The following SLC24A2 variants were observed in gnomAD, a reference collection of about 807,000 sequenced individuals.
The protein encoded by SLC24A2 is solute carrier family 24 member 2, also known as sodium/potassium/calcium exchanger 2.
Under a neutral mutation model 62.0 loss-of-function variants are expected in SLC24A2, and 36 were observed. That is an observed-to-expected ratio of 0.58 (90% confidence interval 0.44 to 0.77). The LOEUF (loss-of-function observed/expected upper bound fraction) is 0.77. Among genes scored for constraint, SLC24A2 ranks in the 30% least tolerant of loss-of-function variants. The probability of loss-of-function intolerance (pLI) is 0.00; values close to 1 mark genes in which losing one functional copy is unlikely to be tolerated. For synonymous variants in SLC24A2, 358 were observed against 294.0 expected, an observed-to-expected ratio of 1.22 and a Z score of -2.23; for missense variants, 846 against 817.9, an observed-to-expected ratio of 1.03 and a Z score of -0.42.
chr9:20,137,966 A>G, the SLC24A2 span, among the ~76,000 whole-genome samples: 1 of 152,218 alleles, frequency 6.6e-6, no homozygotes, highest in Non-Finnish European at 1.5e-5. Context: ...ACGATCCAAG[A>G]AAGAGGGAAA....
At chr9:20,268,950 A>C in the SLC24A2 span, among the ~76,000 whole-genome samples, 1 of 152,222 alleles carries the variant, frequency 6.6e-6, no homozygotes, top group African/African-American at 2.4e-5. Context: ...ACAGCCAGCT[A>C]ACAAGAGTTG....
At chr9:20,081,638 TAATAA>T in the SLC24A2 span, among the ~76,000 whole-genome samples, 1 of 151,884 alleles carries the variant, frequency 6.6e-6, no homozygotes, top group Non-Finnish European at 1.5e-5. Flanking sequence ...ATAATAATAA[TAATAA>T]AAGAAATGGA....
chr9:20,069,179 A>G, the SLC24A2 span, among the ~76,000 whole-genome samples: 2 of 152,220 alleles, frequency 1.3e-5, no homozygotes, highest in African/African-American at 2.4e-5. Flanking sequence ...TTACATTAAA[A>G]TTATGTAAAT....
At chr9:20,272,362 C>T in the SLC24A2 span, among the ~76,000 whole-genome samples, 4 of 152,120 alleles carry the variant, frequency 2.6e-5, no homozygotes, top group African/African-American at 9.7e-5. Flanking sequence ...TCTCATAGTT[C>T]GACCCGTCCC....
At chr9:19,661,923 C>G (rs1465832377) in intron 2 of SLC24A2, among the ~76,000 whole-genome samples, 1 of 152,190 alleles carries the variant, frequency 6.6e-6, no homozygotes, top group African/African-American at 2.4e-5. Flanking sequence ...TCCATCCAGA[C>G]CACCTAAATA....
the SLC24A2 span, among the ~76,000 whole-genome samples, chr9:19,972,536 C>G: frequency 2.0e-5 from 3 of 152,100 alleles, no homozygotes; most frequent in Non-Finnish European, 4.4e-5. Context: ...AAGTGTGATT[C>G]CTGGACGTGT....
the SLC24A2 span, among the ~76,000 whole-genome samples, chr9:19,842,360 A>AGGG: frequency 6.6e-6 from 1 of 152,222 alleles, no homozygotes; most frequent in East Asian, 1.9e-4. Context: ...CTTAACTGAA[A>AGGG]GGTAGAATGG....
the SLC24A2 span, among the ~76,000 whole-genome samples, chr9:20,226,120 T>C: frequency 6.6e-6 from 1 of 152,180 alleles, no homozygotes; most frequent in Non-Finnish European, 1.5e-5. Context: ...AATTATATTC[T>C]AGCTGTGGGT....
the SLC24A2 span, among the ~76,000 whole-genome samples, chr9:19,841,510 G>A: frequency 6.6e-6 from 1 of 152,170 alleles, no homozygotes; most frequent in East Asian, 1.9e-4. Flanking sequence ...GATGGGTTAG[G>A]GGAGGGCATA....
chr9:19,556,240 C>G (rs1228318885), intron 7 of SLC24A2, among the ~76,000 whole-genome samples: 1 of 152,184 alleles, frequency 6.6e-6, no homozygotes, highest in Non-Finnish European at 1.5e-5. Flanking sequence ...ACATCTTACA[C>G]TTTTTCCATT....
At chr9:19,674,165 T>A (rs1189499183) in intron 2 of SLC24A2, among the ~76,000 whole-genome samples, 1 of 152,178 alleles carries the variant, frequency 6.6e-6, no homozygotes, top group Non-Finnish European at 1.5e-5. Flanking sequence ...TCTTGGCTGA[T>A]AATTGTTCTA....
chr9:19,827,218 G>A, the SLC24A2 span, among the ~76,000 whole-genome samples: 7 of 152,112 alleles, frequency 4.6e-5, no homozygotes, highest in South Asian at 2.1e-4. Flanking sequence ...TTGGTCTGTC[G>A]TCTCCCAACA....
the SLC24A2 span, among the ~76,000 whole-genome samples, chr9:19,836,524 C>A: frequency 1.3e-5 from 2 of 152,214 alleles, no homozygotes; most frequent in Admixed American, 6.5e-5. Flanking sequence ...CAAGACTAAG[C>A]CAGGAAGAAG....
chr9:20,206,107 G>C, the SLC24A2 span, among the ~76,000 whole-genome samples: 1 of 152,144 alleles, frequency 6.6e-6, no homozygotes, highest in African/African-American at 2.4e-5. Context: ...ATGTGACAGA[G>C]TATAAAAAGT....
chr9:19,815,964 T>C, the SLC24A2 span, among the ~76,000 whole-genome samples: 7 of 135,808 alleles, frequency 5.2e-5, no homozygotes, highest in African/African-American at 2.0e-4. Context: ...TGCCCCTTTT[T>C]TTTTTTTTTT....
chr9:20,189,237 C>T, the SLC24A2 span, among the ~76,000 whole-genome samples: 3 of 152,094 alleles, frequency 2.0e-5, no homozygotes, highest in Non-Finnish European at 4.4e-5. Flanking sequence ...CACAAGAATG[C>T]TCTCCCAAAG....
chr9:20,086,603 C>G, the SLC24A2 span, among the ~76,000 whole-genome samples: 1 of 152,164 alleles, frequency 6.6e-6, no homozygotes, highest in Non-Finnish European at 1.5e-5. Flanking sequence ...GGGGTCTCCC[C>G]TCACAGGTTT....
At chr9:19,532,961 G>T (rs1833777960) in intron 8 of SLC24A2, among the ~76,000 whole-genome samples, 1 of 152,096 alleles carries the variant, frequency 6.6e-6, no homozygotes, top group Admixed American at 6.6e-5. Flanking sequence ...TTTCATCAAA[G>T]ACTTGGTCCT....
At chr9:19,793,583 TAG>T (rs1433544059), upstream of SLC24A2, among the ~76,000 whole-genome samples, 1 of 152,230 alleles carries the variant, frequency 6.6e-6, no homozygotes, top group Non-Finnish European at 1.5e-5. Context: ...TACCATGAAC[TAG>T]AGTGTTTGCT....
Sources: gnomAD v4.1 joint callset for allele counts (sites outside exome capture counted in the v4.1 genomes callset) on GRCh38, gnomAD v4.1.1 for gene constraint, MANE v1.5 for transcripts, NCBI Gene and HGNC (gene_info 2026-07-23, HGNC 2026-07-21) for gene names.